The following FBXO24 variants were observed in gnomAD, a reference collection of about 807,000 sequenced individuals.
FBXO24 encodes F-box protein 24.
In FBXO24, 30 loss-of-function variants were observed where a neutral mutation model predicts 63.5. The ratio of observed to expected loss-of-function variants is 0.47; its 90% confidence interval spans 0.35 to 0.64. FBXO24 has a LOEUF of 0.64. Ranked by LOEUF, FBXO24 falls within the 30% of genes least tolerant of loss-of-function variation. FBXO24 has a pLI of 0.00. For missense variants in FBXO24, 624 were observed against 763.4 expected, an observed-to-expected ratio of 0.82 and a Z score of 2.15; for synonymous variants, 300 against 305.0, an observed-to-expected ratio of 0.98 and a Z score of 0.17.
chr7:100,597,898 T>G (rs1420567310), intron 8 of FBXO24, among the ~76,000 whole-genome samples: 39 of 151,250 alleles, frequency 2.6e-4, no homozygotes, highest in African/African-American at 8.7e-4. Flanking sequence ...TTTTTGTTTT[T>G]TTTTTTTTTA....
At chr7:100,587,142 G>A (rs910457028) in intron 1 of FBXO24, among the ~76,000 whole-genome samples, 2 of 152,206 alleles carry the variant, frequency 1.3e-5, no homozygotes. Context: ...GCGTTAGCAA[G>A]AGCGAACAGC....
intron 4 of FBXO24, 58 bp from the exon 5 acceptor site, chr7:100,592,725 C>A (rs181796475): frequency 5.0e-6 from 7 of 1,403,176 alleles, no homozygotes; most frequent in Non-Finnish European, 7.0e-6. Flanking sequence ...ATCCAGCTGC[C>A]CCAGCCCCAT....
intron 1 of FBXO24, among the ~76,000 whole-genome samples, chr7:100,587,215 T>C (rs1344828261): frequency 6.6e-6 from 1 of 152,190 alleles, no homozygotes; most frequent in African/African-American, 2.4e-5. Flanking sequence ...CACAGCCCTT[T>C]CCCGCTCCCT....
Position 100,594,992 on chromosome 7 carries a change from C to T in FBXO24, c.953-110C>T. On this transcript the variant is annotated intron_variant, in intron 6 of 9. Transcript: ENST00000241071. This position sits in a 1 kb window ranked among gnomAD's most constrained non-coding sequence, Gnocchi z 4.2. ...TCCCAGGCATCATAGTTGATGCATTCCTAGTGGGTATGAGACTCCTTGGAT... is the reference window on the plus strand; with the variant it reads ...TCCCAGGCATCATAGTTGATGCATTTCTAGTGGGTATGAGACTCCTTGGAT... The T allele has an allele frequency of 2.8e-6, 4 of 1,443,102 alleles. No individual in the cohort carries two copies. The highest frequency in any genetic ancestry group is 3.8e-6 in the Non-Finnish European group (4 of 1,055,414). The allele number at this position is 1,443,102 out of a possible 1,614,324, so 89.4% of individuals were successfully genotyped here.
chr7:100,595,763 C>T (rs1785811980), intron 8 of FBXO24, 57 bp downstream of exon 8: 1 of 1,520,530 alleles, frequency 6.6e-7, no homozygotes, highest in Non-Finnish European at 8.8e-7. Context: ...TTCCCTAACC[C>T]CCAGATCTGT....
In FBXO24 at chr7:100,600,385, C is replaced by G; in HGVS notation, c.1378-149C>G. The G allele has an allele frequency of 3.4e-6, 5 of 1,452,354 alleles. No individual in the cohort carries two copies. Among genetic ancestry groups the G allele is most frequent in the Non-Finnish European group, 3.7e-6 (4 of 1,081,378 alleles). The allele number at this position is 1,452,354 out of a possible 1,614,324, so 90.0% of individuals were successfully genotyped here. A position where few individuals can be genotyped will look rare whatever the true frequency, so the allele number is the denominator to read the frequency against. Reference sequence around the variant, plus strand: ...TTCTCCCTTAGCAGACTGTGCTGGCCTTGCCCAACCTCACACACCCCTGGG... The same window carrying G: ...TTCTCCCTTAGCAGACTGTGCTGGCGTTGCCCAACCTCACACACCCCTGGG... On this transcript the variant is annotated intron_variant, in intron 9 of 9. Coordinates refer to ENST00000241071, the MANE Select transcript of FBXO24 (RefSeq NM_033506.3). The surrounding 1 kb of genome is among the most constrained non-coding windows in gnomAD (Gnocchi z 6.3).
Position 100,594,236 on chromosome 7 carries a change from G to T in FBXO24, c.794-147G>T. The T allele has an allele frequency of 1.3e-6, 1 of 784,260 alleles. No individual in the cohort carries two copies. The allele number at this position is 784,260 out of a possible 1,614,324, so 48.6% of individuals were successfully genotyped here. On this transcript the variant is annotated intron_variant, in intron 5 of 9. Coordinates refer to ENST00000241071, the MANE Select transcript of FBXO24 (RefSeq NM_033506.3). This position sits in a 1 kb window ranked among gnomAD's most constrained non-coding sequence, Gnocchi z 4.2. Reference sequence around the variant, plus strand: ...TTATGGTGGGAACTGGAGTCTGGGGGACTTGGGGTCACTCTTCCCTTATTT... The same window carrying T: ...TTATGGTGGGAACTGGAGTCTGGGGTACTTGGGGTCACTCTTCCCTTATTT...
Position 100,600,943 on chromosome 7 carries a change from C to G in FBXO24, c.*44C>G. 6.3e-7 allele frequency: 1 copy of G among 1,581,550 alleles called. No homozygotes were observed. The highest frequency in any genetic ancestry group is 8.6e-7 in the Non-Finnish European group (1 of 1,165,734). On this transcript the variant is annotated 3_prime_UTR_variant, in exon 10 of 10. Coordinates refer to ENST00000241071, the MANE Select transcript of FBXO24 (RefSeq NM_033506.3). This position sits in a 1 kb window ranked among gnomAD's most constrained non-coding sequence, Gnocchi z 6.3. ...AGTCCCTGGAGGAGGGAGTCCGGCC[C>G]CAGGCCAGGGACTAAGGAGCAATGA...
intron 1 of FBXO24, chr7:100,589,665 C>CG (rs776601418): frequency 1.2e-4 from 181 of 1,505,828 alleles, no homozygotes; most frequent in Non-Finnish European, 1.0e-4. Flanking sequence ...CCAGCAGGAA[C>CG]GGGGGGGCCA....
chr7:100,592,668 G>A, intron 4 of FBXO24, 115 bp from the exon 5 acceptor site: 1 of 765,168 alleles, frequency 1.3e-6, no homozygotes, highest in South Asian at 1.7e-5. Flanking sequence ...GAAATCAAGG[G>A]CTCATTTCCC....
intron 4 of FBXO24, chr7:100,592,190 C>T (rs1270460202): frequency 1.1e-5 from 4 of 368,562 alleles, no homozygotes; most frequent in Non-Finnish European, 2.1e-5. Context: ...ACTTGGGAGG[C>T]AGAGGCTGCA....
In FBXO24 at chr7:100,590,016, G is replaced by T. The variant is rs1801930170; in HGVS notation, c.79G>T (p.Val27Phe). ...CCCTTCTTGTGGCTCGGAGCTTGGG[G>T]TTGAAGAGAAGAGGGGGAAAGGAAA... ...SCPSCGSELGVEEKRGKGNPI... is the reference protein window; with the variant it reads ...SCPSCGSELGFEEKRGKGNPI... The change falls in exon 2 of 10, where the codon GTT becomes TTT. Residue 27 changes from valine to phenylalanine, a missense_variant. By Grantham distance (50) the Val-to-Phe change is conservative. Transcript: ENST00000241071. The T allele has an allele frequency of 1.2e-5, 19 of 1,613,664 alleles. No individual in the cohort carries two copies. The highest frequency in any genetic ancestry group is 1.6e-5 in the Non-Finnish European group (19 of 1,179,930).
At chr7:100,599,209 G>A (rs1475193895) in intron 8 of FBXO24, among the ~76,000 whole-genome samples, 1 of 152,028 alleles carries the variant, frequency 6.6e-6, no homozygotes, top group Non-Finnish European at 1.5e-5. Context: ...AGCTATGATT[G>A]CACCACTGCA....
chr7:100,595,486 G>T (rs1166555526), intron 7 of FBXO24, 89 bp from the exon 8 acceptor site: 1 of 1,433,306 alleles, frequency 7.0e-7, no homozygotes, highest in African/African-American at 1.4e-5. Context: ...ATCAGCTGGG[G>T]ATGGCAGGTT....
At position 100,586,372 on chromosome 7, in the gene FBXO24, G is replaced by T; in HGVS notation, c.-254G>T. 3.2e-6 allele frequency: 2 copies of T among 630,506 alleles called. No homozygotes were observed. The highest frequency in any genetic ancestry group is 2.0e-5 in the South Asian group (1 of 51,000). 39.1% of individuals were successfully genotyped at this position (630,506 alleles called of 1,614,324 possible). ...GACGCTCCAGGCCGTCCCGCCCAGC[G>T]CAGCTGCACCCAATCACAATGCTCA... On this transcript the variant is annotated 5_prime_UTR_variant, in exon 1 of 10. Transcript: ENST00000241071.
At chr7:100,598,588 TAAGA>T (rs1802421629) in intron 8 of FBXO24, among the ~76,000 whole-genome samples, 1 of 152,144 alleles carries the variant, frequency 6.6e-6, no homozygotes, top group Non-Finnish European at 1.5e-5. Flanking sequence ...CTCTGCTGCT[TAAGA>T]GAGAGAGGCA....
chr7:100,592,030 G>C, intron 4 of FBXO24, 128 bp downstream of exon 4: 1 of 901,044 alleles, frequency 1.1e-6, no homozygotes, highest in African/African-American at 1.7e-5. Context: ...GGAGGCTGAG[G>C]CAGGCGGATC....
intron 5 of FBXO24, among the ~76,000 whole-genome samples, chr7:100,593,807 A>C (rs955399113): frequency 2.4e-4 from 36 of 151,388 alleles, no homozygotes; most frequent in African/African-American, 8.2e-4. Context: ...CAAAAAAAAA[A>C]AAAAAAAAAA....
chr7:100,595,437 T>C (rs1802259161), intron 7 of FBXO24, 138 bp from the exon 8 acceptor site: 2 of 1,273,708 alleles, frequency 1.6e-6, no homozygotes, highest in Admixed American at 2.7e-5. Flanking sequence ...CTGGGCAACA[T>C]AGTGAGATCC....
Sources: allele counts gnomAD v4.1 joint callset (sites outside exome capture counted in the v4.1 genomes callset), GRCh38; gene constraint gnomAD v4.1.1; non-coding constraint Gnocchi (gnomAD v3.1); transcripts MANE v1.5; gene names NCBI Gene and HGNC (gene_info 2026-07-23, HGNC 2026-07-21).